Variants in TCEA2 observed in about 807,000 individuals in gnomAD.
TCEA2 encodes transcription elongation factor A2, also known as transcription elongation factor A protein 2.
TCEA2 carries 21 observed loss-of-function variants against 40.8 expected under a neutral mutation model. The ratio of observed to expected loss-of-function variants is 0.51; its 90% CI spans 0.36 to 0.74. TCEA2 has a LOEUF of 0.74. Among genes scored for constraint, TCEA2 ranks in the 30% least tolerant of loss-of-function variants. The pLI is 0.00. For missense variants in TCEA2, 326 were observed against 426.5 expected (o/e 0.76, Z 2.08); for synonymous variants, 165 against 162.7 (o/e 1.01, Z -0.11).
chr20:64,057,458 G>A (rs991193615), exon 1 of TCEA2: 3 of 152,354 alleles, frequency 2.0e-5, no homozygotes, highest in Admixed American at 6.5e-5. Flanking sequence ...GTGTGCCTGC[G>A]CACAGGGGAG....
intron 8 of TCEA2, among the ~76,000 whole-genome samples, chr20:64,071,510 A>G (rs1199178124): frequency 6.6e-6 from 1 of 152,180 alleles, no homozygotes. Flanking sequence ...ACTGGTCAGA[A>G]CAGGCTCTGC....
intron 6 of TCEA2, 47 bp downstream of exon 6, chr20:64,069,868 G>A (rs1447363889): frequency 7.5e-6 from 12 of 1,603,608 alleles, no homozygotes; most frequent in Non-Finnish European, 1.0e-5. Flanking sequence ...GGTGGAGTCA[G>A]GAGGCTGCCT....
At chr20:64,066,258 C>T (rs1182170036) in intron 1 of TCEA2, 1 of 520,104 alleles carries the variant, frequency 1.9e-6, no homozygotes, top group Non-Finnish European at 3.5e-6. Flanking sequence ...CAGAACCCCT[C>T]CCCTTCTTGA....
upstream of TCEA2, among the ~76,000 whole-genome samples, chr20:64,060,798 CT>C (rs200509288): frequency 6.7e-3 from 976 of 145,504 alleles, 6 homozygotes; most frequent in African/African-American, 0.022. Context: ...TATGATTGAG[CT>C]TTTTTTTTTT....
upstream of TCEA2, among the ~76,000 whole-genome samples, chr20:64,059,318 A>ATCT (rs2059519599): frequency 6.6e-6 from 1 of 150,656 alleles, no homozygotes; most frequent in African/African-American, 2.4e-5. Context: ...GTTCCCTCCC[A>ATCT]TCTTGCCCGA....
chr20:64,058,887 G>A (rs1413873065), upstream of TCEA2, among the ~76,000 whole-genome samples: 1 of 152,108 alleles, frequency 6.6e-6, no homozygotes, highest in Non-Finnish European at 1.5e-5. This position sits in a 1 kb window ranked among gnomAD's most constrained non-coding sequence, Gnocchi z 6.7. Context: ...TTCTGCTAGA[G>A]GTCGGTATAA....
chr20:64,069,331 CTG>C, intron 4 of TCEA2, 28 bp from the exon 5 acceptor site: 2 of 1,548,446 alleles, frequency 1.3e-6, no homozygotes, highest in Non-Finnish European at 8.7e-7. Flanking sequence ...AGCCTTGAGT[CTG>C]AACCCAGCTG....
At chr20:64,066,451 A>C (rs1569248866) in intron 1 of TCEA2, 25 bp from the exon 2 acceptor site, 1 of 1,612,644 alleles carries the variant, frequency 6.2e-7, no homozygotes, top group African/African-American at 1.3e-5. Context: ...AAAGTCCTTT[A>C]TGAAGGTCCT....
upstream of TCEA2, among the ~76,000 whole-genome samples, chr20:64,059,637 G>C (rs1348931611): frequency 6.6e-6 from 1 of 152,094 alleles, no homozygotes; most frequent in Non-Finnish European, 1.5e-5. Flanking sequence ...AGAGACCCCA[G>C]GGCCCCAGCC....
At chr20:64,060,705 T>TTAATAA (rs1367756829), upstream of TCEA2, among the ~76,000 whole-genome samples, 2 of 152,144 alleles carry the variant, frequency 1.3e-5, no homozygotes, top group Non-Finnish European at 2.9e-5. Flanking sequence ...TGTTCATCTA[T>TTAATAA]TAATAATAAT....
upstream of TCEA2, chr20:64,062,843 C>G (rs1363574606): frequency 6.5e-6 from 1 of 152,766 alleles, no homozygotes; most frequent in African/African-American, 2.4e-5. Flanking sequence ...GGGCTGAGGG[C>G]ACTGGGTCCT....
intron 1 of TCEA2, 28 bp from the exon 2 acceptor site, chr20:64,066,448 T>A (rs752842961): frequency 6.2e-7 from 1 of 1,612,360 alleles, no homozygotes; most frequent in South Asian, 1.1e-5. Context: ...TCTAAAGTCC[T>A]TTATGAAGGT....
intron 5 of TCEA2, 110 bp downstream of exon 5, chr20:64,069,601 G>T (rs988995794): frequency 6.5e-7 from 1 of 1,545,320 alleles, no homozygotes; most frequent in South Asian, 1.2e-5. Context: ...TCCTCCCCCA[G>T]CCCATTGCTG....
upstream of TCEA2, chr20:64,062,891 C>T (rs563723759): frequency 1.8e-4 from 28 of 154,546 alleles, no homozygotes; most frequent in South Asian, 5.5e-3. Flanking sequence ...ACAGCAAGGC[C>T]CGAAGCAGGA....
chr20:64,058,118 C>T lies in TCEA2; in HGVS notation c.-84+467C>T, dbSNP rs1049656280. 1.3e-5 allele frequency among the ~76,000 whole-genome samples: 2 copies of T among 152,226 alleles called. No individual in the cohort carries two copies. Among genetic ancestry groups the T allele is most frequent in the Non-Finnish European group, 2.9e-5 (2 of 68,030 alleles). ...CTAGAGCATGTCAGGGTTCGGGGCT[C>T]CTGTCATAGCGGAGTGGCTGCGGCC... On this transcript the variant is annotated intron_variant, in intron 1 of 10. Transcript: ENST00000361317. This position sits in a 1 kb window ranked among gnomAD's most constrained non-coding sequence, Gnocchi z 6.7.
chr20:64,067,672 G>C (rs1255949642), intron 3 of TCEA2, among the ~76,000 whole-genome samples: 1 of 152,262 alleles, frequency 6.6e-6, no homozygotes. Flanking sequence ...CCCAGCCCTT[G>C]GGCCTGGCTC....
At chr20:64,063,518 G>A (rs2059616831) in intron 1 of TCEA2, 134 bp downstream of exon 1, 1 of 1,054,970 alleles carries the variant, frequency 9.5e-7, no homozygotes, top group African/African-American at 1.6e-5. Flanking sequence ...GACTAACCGG[G>A]ACGCAGGGGA....
At chr20:64,064,303 C>T (rs1275760931) in intron 1 of TCEA2, 1 of 152,324 alleles carries the variant, frequency 6.6e-6, no homozygotes, top group African/African-American at 2.4e-5. Flanking sequence ...GTCTTGCGGC[C>T]ACAGCGAGAC....
At chr20:64,056,366 G>A (rs1481258008), upstream of TCEA2, among the ~76,000 whole-genome samples, 1 of 152,160 alleles carries the variant, frequency 6.6e-6, no homozygotes, top group African/African-American at 2.4e-5. Context: ...CCTAAGCCCC[G>A]TCGCTGCCCT....
Sources: gnomAD v4.1 joint callset for allele counts (sites outside exome capture counted in the v4.1 genomes callset) on GRCh38, gnomAD v4.1.1 for gene constraint, Gnocchi (gnomAD v3.1) non-coding constraint, MANE v1.5 for transcripts, NCBI Gene and HGNC (gene_info 2026-07-23, HGNC 2026-07-21) for gene names.